The following AQR variants were observed in gnomAD, a reference collection of about 807,000 sequenced individuals.
The protein encoded by AQR is aquarius intron-binding spliceosomal factor.
AQR carries 61 observed loss-of-function variants against 180.5 expected under a neutral mutation model. That is an observed-to-expected ratio of 0.34 (90% CI 0.28 to 0.42). The LOEUF is 0.42. Ranked by LOEUF, AQR falls within the 10% of genes least tolerant of loss-of-function variation. The pLI is 1.00. For missense variants in AQR, 1,281 were observed against 1,798.3 expected (o/e 0.71, Z 5.20); for synonymous variants, 551 against 588.8 (o/e 0.94, Z 0.93).
At chr15:34,957,523 G>A (rs942558781) in intron 3 of AQR, among the ~76,000 whole-genome samples, 2 of 151,244 alleles carry the variant, frequency 1.3e-5, no homozygotes, top group Non-Finnish European at 2.9e-5. Flanking sequence ...CAAACGTGGA[G>A]AAACCCCGTC....
intron 34 of AQR, among the ~76,000 whole-genome samples, chr15:34,859,363 T>C (rs1003392691): frequency 2.0e-5 from 3 of 152,118 alleles, no homozygotes; most frequent in African/African-American, 7.2e-5. Context: ...GTATATCTAT[T>C]AGAACTGCCA....
rs191602706 is a variant in AQR at position 34,969,737 on chromosome 15, C to A, written c.-124G>T. On this transcript the variant is annotated 5_prime_UTR_variant, in exon 1 of 35. Transcript: ENST00000156471. Reference sequence around the variant, plus strand: ...CTCCGCGCCGCACAAACGCTCCGGGCCGGATATCCTCAGCCTTCAGAGTCC... The same window carrying A: ...CTCCGCGCCGCACAAACGCTCCGGGACGGATATCCTCAGCCTTCAGAGTCC... 17 of 952,104 alleles carry A rather than the reference C, an allele frequency of 1.8e-5. No homozygotes were observed. In the Admixed American group the frequency reaches 4.1e-4, roughly 23 times the overall value. 59.0% of individuals were successfully genotyped at this position (952,104 alleles called of 1,614,324 possible). A position where few individuals can be genotyped will look rare whatever the true frequency, so the allele number is the denominator to read the frequency against.
chr15:34,852,173 T>C lies in AQR; in HGVS notation c.*4619A>G, dbSNP rs951190965. ...CCCAAGGAAATAGCTACCTAAGTTA[T>C]GTTTTTTTTTTTTTTTTGAAGGAGT... On this transcript the variant is annotated 3_prime_UTR_variant, in exon 35 of 35. Coordinates refer to ENST00000156471, the MANE Select transcript of AQR (RefSeq NM_014691.3). The C allele has an allele frequency of 2.0e-5, 3 of 146,588 alleles. No homozygotes were observed. The highest frequency in any genetic ancestry group is 5.4e-5 in the African/African-American group (2 of 36,900). 9.1% of individuals were successfully genotyped at this position (146,588 alleles called of 1,614,324 possible).
chr15:34,942,174 A>AG (rs772415644), intron 6 of AQR, 94 bp from the exon 7 acceptor site: 31 of 767,614 alleles, frequency 4.0e-5, no homozygotes, highest in Middle Eastern at 5.1e-4. Flanking sequence ...TAAGTCCTGG[A>AG]GGGAAAACAT....
Position 34,915,160 on chromosome 15 carries a change from T to C in AQR, c.1362A>G (p.Lys454=). ...GAAGAGTCAAAAACTGCAAATTCAA[T>C]TTGGGAAGAGCAAGACAACCTGAAA... ...YSGEGCLALP[K]LNLQFLTLHD... The change falls in exon 16 of 35, where the codon AAA becomes AAG. Residue 454 remains lysine, a synonymous_variant. Coordinates refer to ENST00000156471, the MANE Select transcript of AQR (RefSeq NM_014691.3). 6.3e-7 allele frequency: 1 copy of C among 1,599,636 alleles called. No individual in the cohort carries two copies. Among genetic ancestry groups the C allele is most frequent in the Non-Finnish European group, 8.5e-7 (1 of 1,176,096 alleles).
intron 20 of AQR, among the ~76,000 whole-genome samples, chr15:34,899,685 T>C (rs530232185): frequency 6.6e-6 from 1 of 151,562 alleles, no homozygotes; most frequent in East Asian, 1.9e-4. Context: ...ATTATATATA[T>C]ATATATATAC....
chr15:34,874,566 T>A (rs1892865672), intron 29 of AQR, 111 bp downstream of exon 29: 1 of 1,338,316 alleles, frequency 7.5e-7, no homozygotes, highest in Non-Finnish European at 1.0e-6. Context: ...GATAGCCAAG[T>A]TCCTGGATAG....
Position 34,852,228 on chromosome 15 carries a change from T to C in AQR, c.*4564A>G, listed in dbSNP as rs1595776071. ...GCTCGTCGCCCAGGCTGGAGTACAG[T>C]GGCGCCATCTCAGCTCACTGCAACC... On this transcript the variant is annotated 3_prime_UTR_variant, in exon 35 of 35. Coordinates refer to ENST00000156471, the MANE Select transcript of AQR (RefSeq NM_014691.3). The C allele has an allele frequency of 6.6e-6, 1 of 151,364 alleles. No individual in the cohort carries two copies. Among genetic ancestry groups the C allele is most frequent in the African/African-American group, 2.4e-5 (1 of 41,014 alleles). 9.4% of individuals were successfully genotyped at this position (151,364 alleles called of 1,614,324 possible). A position where few individuals can be genotyped will look rare whatever the true frequency, so the allele number is the denominator to read the frequency against.
chr15:34,954,736 G>A (rs368505646), intron 3 of AQR, among the ~76,000 whole-genome samples: 9 of 152,042 alleles, frequency 5.9e-5, no homozygotes, highest in African/African-American at 1.7e-4. Flanking sequence ...AACTCTCTGA[G>A]ACAGATAAAG....
chr15:34,908,528 G>C, intron 17 of AQR, among the ~76,000 whole-genome samples: 1 of 152,056 alleles, frequency 6.6e-6, no homozygotes, highest in Non-Finnish European at 1.5e-5. Context: ...ATAGGGGCTG[G>C]TTTTTGGCCC....
At chr15:34,955,903 C>A (rs1894306850) in intron 3 of AQR, among the ~76,000 whole-genome samples, 1 of 137,252 alleles carries the variant, frequency 7.3e-6, no homozygotes, top group Non-Finnish European at 1.5e-5. Flanking sequence ...AGCGAAACTC[C>A]ATCTCAAAAA....
rs1398788649 is a variant in AQR, at chr15:34,864,788, T to C, written c.3855-1747A>G. On this transcript the variant is annotated intron_variant, in intron 32 of 34. Coordinates refer to ENST00000156471, the MANE Select transcript of AQR (RefSeq NM_014691.3). The stretch of plus-strand genomic sequence containing the variant: ...CCCAGCCTTCAGTGCTATAGTGCAG[T>C]AAAGTGGCTTTTGTCAGTATGATCT... Among the ~76,000 whole-genome samples, 3 of 152,116 alleles carry C rather than the reference T, an allele frequency of 2.0e-5. 1 individual carries two copies. The highest frequency in any genetic ancestry group is 4.1e-4 in the South Asian group (2 of 4,822).
At chr15:34,920,948 A>G (rs548951429) in intron 13 of AQR, among the ~76,000 whole-genome samples, 1 of 152,138 alleles carries the variant, frequency 6.6e-6, no homozygotes, top group Admixed American at 6.5e-5. Flanking sequence ...ACAAAGCGAG[A>G]CTCCGTCTCA....
intron 3 of AQR, among the ~76,000 whole-genome samples, chr15:34,957,704 A>G (rs1894341164): frequency 9.2e-6 from 1 of 109,278 alleles, no homozygotes; most frequent in Non-Finnish European, 2.2e-5. Flanking sequence ...TCCGTCTCAA[A>G]AAAACATAAA....
intron 32 of AQR, among the ~76,000 whole-genome samples, chr15:34,865,785 T>G (rs1217849232): frequency 1.3e-5 from 2 of 152,276 alleles, no homozygotes; most frequent in East Asian, 3.9e-4. Context: ...ATATGTTAAG[T>G]GAGAGAAGCC....
At chr15:34,946,338 T>C (rs2140499764) in intron 5 of AQR, among the ~76,000 whole-genome samples, 1 of 152,360 alleles carries the variant, frequency 6.6e-6, no homozygotes, top group East Asian at 1.9e-4. Flanking sequence ...TGGTAACTTT[T>C]TTTATTCATG....
intron 34 of AQR, among the ~76,000 whole-genome samples, chr15:34,857,330 G>A (rs564372652): frequency 4.6e-5 from 7 of 152,236 alleles, no homozygotes; most frequent in African/African-American, 1.7e-4. Flanking sequence ...TCTTCAGAGA[G>A]GAAAACAACC....
At chr15:34,907,507 G>C (rs557102177) in intron 17 of AQR, among the ~76,000 whole-genome samples, 52 of 152,320 alleles carry the variant, frequency 3.4e-4, no homozygotes, top group Middle Eastern at 6.8e-3. Context: ...TAAACAGTCT[G>C]CTTGCTCACA....
intron 33 of AQR, among the ~76,000 whole-genome samples, chr15:34,862,207 C>T (rs75394376): frequency 0.029 from 4,395 of 152,184 alleles, 92 homozygotes; most frequent in Non-Finnish European, 0.044. Context: ...AGAATGTAAG[C>T]TTCTTAAGAA....
Sources: allele counts gnomAD v4.1 joint callset (sites outside exome capture counted in the v4.1 genomes callset), GRCh38; gene constraint gnomAD v4.1.1; transcripts MANE v1.5; gene names NCBI Gene and HGNC (gene_info 2026-07-23, HGNC 2026-07-21).